PRDM8: variants seen among roughly 807,000 people sequenced by gnomAD.
PRDM8 encodes PR/SET domain 8.
Under a neutral mutation model 46.5 loss-of-function variants are expected in PRDM8, and 13 were observed. The observed-to-expected ratio is 0.28, with a 90% confidence interval of 0.18 to 0.44. PRDM8 has a LOEUF of 0.44. Among genes scored for constraint, PRDM8 ranks in the 20% least tolerant of loss-of-function variants. The probability of loss-of-function intolerance (pLI) is 1.00; values close to 1 mark genes in which losing one functional copy is unlikely to be tolerated. For missense variants in PRDM8, 998 were observed against 955.0 expected, an observed-to-expected ratio of 1.04 and a Z score of -0.59; for synonymous variants, 473 against 438.4, an observed-to-expected ratio of 1.08 and a Z score of -0.98.
At chr4:80,190,388 G>A (rs1737451846) in intron 1 of PRDM8, among the ~76,000 whole-genome samples, 1 of 152,216 alleles carries the variant, frequency 6.6e-6, no homozygotes, top group South Asian at 2.1e-4. Context: ...CAAGCGCACC[G>A]CTTGGCCCCA....
upstream of PRDM8, among the ~76,000 whole-genome samples, chr4:80,194,891 C>G (rs1737828200): frequency 6.6e-6 from 1 of 152,110 alleles, no homozygotes; most frequent in Non-Finnish European, 1.5e-5. Context: ...GCTGTTCCAC[C>G]CTCAACTTAA....
At chr4:80,196,870 G>A, upstream of PRDM8, 2 of 975,354 alleles carry the variant, frequency 2.1e-6, no homozygotes, top group African/African-American at 1.8e-5. Flanking sequence ...CCCTTCCGAG[G>A]TCTGGTGACA....
intron 1 of PRDM8, among the ~76,000 whole-genome samples, chr4:80,191,097 C>T (rs773474863): frequency 6.6e-6 from 1 of 152,216 alleles, no homozygotes; most frequent in Non-Finnish European, 1.5e-5. Flanking sequence ...TTCTCAAAAC[C>T]ACCCTACATG....
chr4:80,191,550 T>G (rs1737546813), exon 2 of PRDM8: 1 of 152,246 alleles, frequency 6.6e-6, no homozygotes, highest in African/African-American at 2.4e-5. Flanking sequence ...CCTTGCCTAT[T>G]CTTGCCTCCA....
chr4:80,200,518 T>C (rs1396694073), intron 2 of PRDM8, among the ~76,000 whole-genome samples: 3 of 152,234 alleles, frequency 2.0e-5, no homozygotes, highest in Admixed American at 2.0e-4. Context: ...TGATTTGGAA[T>C]GTTAGAAATA....
chr4:80,185,982 G>A (rs1225123147), intron 1 of PRDM8, among the ~76,000 whole-genome samples: 1 of 152,212 alleles, frequency 6.6e-6, no homozygotes, highest in Non-Finnish European at 1.5e-5. Flanking sequence ...GCTGGCGGGG[G>A]CCACCGTCGC....
intron 1 of PRDM8, among the ~76,000 whole-genome samples, chr4:80,186,375 A>G (rs2109859708): frequency 6.6e-6 from 1 of 150,500 alleles, no homozygotes; most frequent in East Asian, 2.0e-4. Context: ...AGAGGGAAGA[A>G]AGAAGGGAGG....
In PRDM8 at chr4:80,199,705, A is replaced by ATGTGTGTGTG. The variant is rs1321510964; in HGVS notation, c.-2-373_-2-372insGTGTGTGTGT. Among the ~76,000 whole-genome samples, 25 of 70,036 alleles carry ATGTGTGTGTG rather than the reference A, an allele frequency of 3.6e-4. 2 individuals are homozygous for ATGTGTGTGTG. In the South Asian group the frequency reaches 0.01, roughly 29 times the overall value. 45.9% of individuals were successfully genotyped at this position (70,036 alleles called of 152,430 possible). A position where few individuals can be genotyped will look rare whatever the true frequency, so the allele number is the denominator to read the frequency against. On this transcript the variant is annotated intron_variant, in intron 1 of 3. Coordinates refer to ENST00000415738, the MANE Select transcript of PRDM8 (RefSeq NM_001099403.2). ...AAAAATTATATATATGTATATATATATATATGTGTGTGTGTGTGTGTGTGT... is the reference window on the plus strand; with the variant it reads ...AAAAATTATATATATGTATATATATATGTGTGTGTGTATATGTGTGTGTGTGTGTGTGTGT...
At chr4:80,190,929 T>G (rs1169697178) in intron 1 of PRDM8, among the ~76,000 whole-genome samples, 3 of 152,246 alleles carry the variant, frequency 2.0e-5, no homozygotes, top group Non-Finnish European at 4.4e-5. Context: ...AGGACTTCAG[T>G]AAACTGACTC....
At chr4:80,195,977 C>G (rs1313488519), upstream of PRDM8, 2 of 679,344 alleles carry the variant, frequency 2.9e-6, no homozygotes, top group Admixed American at 1.4e-4. Flanking sequence ...AGAACATGAA[C>G]TTCATGGGAA....
upstream of PRDM8, chr4:80,195,920 C>A (rs965628992): frequency 7.0e-5 from 13 of 186,922 alleles, no homozygotes; most frequent in Non-Finnish European, 1.0e-4. Context: ...CACACACACA[C>A]ACACACACAG....
Position 80,202,216 on chromosome 4 carries a change from G to C in PRDM8, c.754G>C (p.Gly252Arg), listed in dbSNP as rs780377398. The change falls in exon 4 of 4, where the codon GGC becomes CGC. Residue 252 changes from glycine to arginine, a missense_variant. By Grantham distance (125) the Gly-to-Arg change is moderately radical. Coordinates refer to ENST00000415738, the MANE Select transcript of PRDM8 (RefSeq NM_001099403.2). ...ESSNPSAAAG[G>R]SSAKPSTDFH... Reference sequence around the variant, plus strand: ...CAGCAACCCATCCGCTGCCGCCGGCGGCAGCAGCGCGAAGCCATCCACAGA... The same window carrying C: ...CAGCAACCCATCCGCTGCCGCCGGCCGCAGCAGCGCGAAGCCATCCACAGA... 6.2e-7 allele frequency: 1 copy of C among 1,611,954 alleles called. No individual in the cohort carries two copies. The highest frequency in any genetic ancestry group is 8.5e-7 in the Non-Finnish European group (1 of 1,179,754).
intron 2 of PRDM8, 79 bp from the exon 3 acceptor site, chr4:80,201,211 A>G: frequency 1.5e-6 from 2 of 1,304,124 alleles, no homozygotes; most frequent in Non-Finnish European, 2.2e-6. Flanking sequence ...AATGGTCTTG[A>G]TTCTTCTGAT....
Position 80,203,600 on chromosome 4 carries a change from C to A in PRDM8, c.*68C>A. 1.3e-6 allele frequency: 2 copies of A among 1,499,904 alleles called. No individual in the cohort carries two copies. Among genetic ancestry groups the A allele is most frequent in the African/African-American group, 1.4e-5 (1 of 72,072 alleles). The allele number at this position is 1,499,904 out of a possible 1,614,324, so 92.9% of individuals were successfully genotyped here. A position where few individuals can be genotyped will look rare whatever the true frequency, so the allele number is the denominator to read the frequency against. Reference sequence around the variant, plus strand: ...TAAGCCACCTGCAGGAATAAACACGCGAGAACATCCACCGCTTCCTTGCAC... The same window carrying A: ...TAAGCCACCTGCAGGAATAAACACGAGAGAACATCCACCGCTTCCTTGCAC... On this transcript the variant is annotated 3_prime_UTR_variant, in exon 4 of 4. Transcript: ENST00000415738.
intron 1 of PRDM8, among the ~76,000 whole-genome samples, chr4:80,188,645 A>G (rs886235373): frequency 8.5e-5 from 13 of 152,342 alleles, no homozygotes; most frequent in African/African-American, 2.9e-4. Context: ...TGGATCCTTC[A>G]GGAGGAAGAG....
In PRDM8 at chr4:80,202,301, C is replaced by T. The variant is rs759181852; in HGVS notation, c.839C>T (p.Ala280Val). ...CGGGGAGGCAGCAGCTGCTCCCCAG[C>T]CCAGAGCCTCAGCAGCGGTAGCGGC... ...NSRGGSSCSP[A>V]QSLSSGSGSG... The change falls in exon 4 of 4, where the codon GCC (alanine) becomes GTC (valine). Residue 280 changes from alanine (A) to valine (V), a missense_variant. Ala to Val is a moderately conservative substitution (Grantham distance 64). Transcript: ENST00000415738. 4 of 1,606,736 alleles carry T rather than the reference C, an allele frequency of 2.5e-6. No individual in the cohort carries two copies. Among genetic ancestry groups the T allele is most frequent in the Non-Finnish European group, 2.5e-6 (3 of 1,177,868 alleles).
upstream of PRDM8, chr4:80,196,981 T>C: frequency 2.0e-6 from 2 of 985,430 alleles, no homozygotes; most frequent in Non-Finnish European, 2.4e-6. Context: ...TTGGTAGTGT[T>C]GGCGCTCCTG....
At chr4:80,191,834 GAT>G (rs1737569732) in intron 2 of PRDM8, among the ~76,000 whole-genome samples, 1 of 152,214 alleles carries the variant, frequency 6.6e-6, no homozygotes, top group Non-Finnish European at 1.5e-5. Flanking sequence ...AATCATGAAA[GAT>G]AGTTTTCACT....
chr4:80,194,816 A>T (rs916764367), upstream of PRDM8, among the ~76,000 whole-genome samples: 4 of 152,222 alleles, frequency 2.6e-5, no homozygotes, highest in Non-Finnish European at 4.4e-5. Context: ...ATTCTCAATA[A>T]ATTGCTCCCT....
Sources: allele counts gnomAD v4.1 joint callset (sites outside exome capture counted in the v4.1 genomes callset), GRCh38; gene constraint gnomAD v4.1.1; transcripts MANE v1.5; gene names NCBI Gene and HGNC (gene_info 2026-07-23, HGNC 2026-07-21).